RUNX2: variants seen among roughly 807,000 people sequenced by gnomAD.
RUNX2 encodes the protein RUNX family transcription factor 2.
Under a neutral mutation model 51.7 loss-of-function variants are expected in RUNX2, and 10 were observed. That is an observed-to-expected ratio of 0.19 (90% CI 0.12 to 0.33). RUNX2 has a LOEUF of 0.33. RUNX2 is among the 10% of genes least tolerant of loss of function. The probability of loss-of-function intolerance (pLI) is 1.00; values close to 1 mark genes in which losing one functional copy is unlikely to be tolerated. For synonymous variants in RUNX2, 276 were observed against 273.6 expected, an observed-to-expected ratio of 1.01 and a Z score of -0.09; for missense variants, 562 against 691.3, an observed-to-expected ratio of 0.81 and a Z score of 2.10.
intron 5 of RUNX2, among the ~76,000 whole-genome samples, chr6:45,485,122 G>A (rs569281569): frequency 2.0e-5 from 3 of 152,012 alleles, no homozygotes; most frequent in Non-Finnish European, 4.4e-5. Context: ...TGGTGGATGA[G>A]GCTCATGGAC....
At chr6:45,393,743 T>C (rs998063692) in intron 2 of RUNX2, among the ~76,000 whole-genome samples, 5 of 151,868 alleles carry the variant, frequency 3.3e-5, no homozygotes, top group African/African-American at 1.2e-4. Context: ...AAGGAAGATT[T>C]ATAAAGAAAA....
intron 2 of RUNX2, among the ~76,000 whole-genome samples, chr6:45,331,663 T>TA (rs1787542163): frequency 6.6e-6 from 1 of 152,062 alleles, no homozygotes; most frequent in African/African-American, 2.4e-5. Context: ...TTTTTATTTT[T>TA]AAAAAATGTT....
intron 7 of RUNX2, among the ~76,000 whole-genome samples, chr6:45,542,094 G>A (rs1172378035): frequency 6.6e-6 from 1 of 152,070 alleles, no homozygotes; most frequent in African/African-American, 2.4e-5. Flanking sequence ...AAAACAGTGT[G>A]TGAAAGATGC....
chr6:45,399,548 C>T (rs796114483), intron 2 of RUNX2, among the ~76,000 whole-genome samples: 19 of 151,482 alleles, frequency 1.3e-4, no homozygotes, highest in African/African-American at 4.4e-4. Flanking sequence ...TTAGTAGAGA[C>T]GGGGTTTCAC....
chr6:45,415,377 A>G (rs1798047068), intron 2 of RUNX2, among the ~76,000 whole-genome samples: 1 of 152,216 alleles, frequency 6.6e-6, no homozygotes, highest in Non-Finnish European at 1.5e-5. Context: ...ACCAAGGCTG[A>G]ATCCAGACCC....
chr6:45,416,140 G>T (rs1243409386), intron 2 of RUNX2, among the ~76,000 whole-genome samples: 1 of 152,128 alleles, frequency 6.6e-6, no homozygotes, highest in Non-Finnish European at 1.5e-5. Context: ...AACTTAGAAT[G>T]GTGACTTATA....
At chr6:45,462,599 C>T (rs2790100) in intron 5 of RUNX2, among the ~76,000 whole-genome samples, 2 of 152,032 alleles carry the variant, frequency 1.3e-5, no homozygotes, top group Non-Finnish European at 2.9e-5. Context: ...TGTGTGGTGA[C>T]AATATGCCAC....
chr6:45,548,954 G>C lies in RUNX2; in HGVS notation c.*1649G>C. On this transcript the variant is annotated 3_prime_UTR_variant, in exon 9 of 9. Coordinates refer to ENST00000647337, the MANE Select transcript of RUNX2 (RefSeq NM_001024630.4). ...AGGCAGCAGGTTCCAGCAGGTAGCTGAGCTGAGAGGACATATGGCCCACGG... is the reference window on the plus strand; with the variant it reads ...AGGCAGCAGGTTCCAGCAGGTAGCTCAGCTGAGAGGACATATGGCCCACGG... 2.5e-6 allele frequency: 1 copy of C among 395,384 alleles called. No homozygotes were observed. The highest frequency in any genetic ancestry group is 4.5e-6 in the Non-Finnish European group (1 of 224,220). The allele number at this position is 395,384 out of a possible 1,614,324, so 24.5% of individuals were successfully genotyped here.
At chr6:45,458,877 G>A (rs1474808304) in intron 5 of RUNX2, among the ~76,000 whole-genome samples, 1 of 152,156 alleles carries the variant, frequency 6.6e-6, no homozygotes, top group Non-Finnish European at 1.5e-5. Context: ...TGTTATGGAT[G>A]CAAAACCTCA....
At chr6:45,442,492 A>T (rs1284897343) in intron 5 of RUNX2, among the ~76,000 whole-genome samples, 1 of 152,196 alleles carries the variant, frequency 6.6e-6, no homozygotes, top group South Asian at 2.1e-4. Context: ...TTCTACAGGA[A>T]TGTGAAAACT....
intron 2 of RUNX2, among the ~76,000 whole-genome samples, chr6:45,389,091 T>C (rs1797418017): frequency 1.3e-5 from 2 of 152,236 alleles, no homozygotes; most frequent in Non-Finnish European, 1.5e-5. Flanking sequence ...TACTACTACT[T>C]GTCTTGCAGC....
At chr6:45,411,553 A>G (rs545719949) in intron 2 of RUNX2, among the ~76,000 whole-genome samples, 1 of 152,336 alleles carries the variant, frequency 6.6e-6, no homozygotes, top group South Asian at 2.1e-4. Flanking sequence ...AAGATGAGTT[A>G]TGCTTCTTAT....
intron 2 of RUNX2, among the ~76,000 whole-genome samples, chr6:45,405,456 A>G (rs182545097): frequency 2.0e-5 from 3 of 152,300 alleles, no homozygotes; most frequent in Admixed American, 2.0e-4. Context: ...ATCTCCTTCC[A>G]ACCCATTGTT....
intron 2 of RUNX2, among the ~76,000 whole-genome samples, chr6:45,410,880 A>G (rs923249333): frequency 2.6e-5 from 4 of 152,184 alleles, no homozygotes; most frequent in Non-Finnish European, 5.9e-5. Context: ...TTTCTATGAA[A>G]CCACTGGACA....
chr6:45,371,839 G>C (rs939303722), intron 2 of RUNX2: 1 of 984,266 alleles, frequency 1.0e-6, no homozygotes, highest in Non-Finnish European at 1.2e-6. Context: ...GCAGACTTCA[G>C]AACTACAGTT....
At chr6:45,545,146 C>T in intron 7 of RUNX2, 71 bp from the exon 8 acceptor site, 3 of 1,283,838 alleles carry the variant, frequency 2.3e-6, no homozygotes, top group Non-Finnish European at 3.3e-6. Context: ...TTCTCCTTCT[C>T]TCTTGGAATT....
In RUNX2 at chr6:45,485,716, T is replaced by TATATAC. The variant is rs1554394671; in HGVS notation, c.686-6224_686-6223insTATACA. Among the ~76,000 whole-genome samples, 152 of 126,498 alleles carry TATATAC rather than the reference T, an allele frequency of 1.2e-3. 1 individual carries two copies. The highest frequency in any genetic ancestry group is 2.5e-3 in the Admixed American group (30 of 11,848). The allele number at this position is 126,498 out of a possible 152,430, so 83.0% of individuals were successfully genotyped here. A position where few individuals can be genotyped will look rare whatever the true frequency, so the allele number is the denominator to read the frequency against. On this transcript the variant is annotated intron_variant, in intron 5 of 8. Transcript: ENST00000647337. ...GTGTGTGTATATATATATATATATA[T>TATATAC]ACACATATTTAGCATCATCTTATCT...
chr6:45,335,738 A>G (rs1213563684), intron 2 of RUNX2, among the ~76,000 whole-genome samples: 1 of 151,294 alleles, frequency 6.6e-6, no homozygotes, highest in Non-Finnish European at 1.5e-5. Flanking sequence ...GACACCATGA[A>G]GTAATCTATG....
intron 5 of RUNX2, among the ~76,000 whole-genome samples, chr6:45,480,472 A>G (rs1800080761): frequency 1.3e-5 from 2 of 152,338 alleles, no homozygotes; most frequent in South Asian, 4.1e-4. Flanking sequence ...AATGTCGTAA[A>G]ACAGACTTCT....
Sources: allele counts gnomAD v4.1 joint callset (sites outside exome capture counted in the v4.1 genomes callset), GRCh38; gene constraint gnomAD v4.1.1; transcripts MANE v1.5; gene names NCBI Gene and HGNC (gene_info 2026-07-23, HGNC 2026-07-21).